NLGN1: variants seen among roughly 807,000 people sequenced by gnomAD.
NLGN1 encodes neuroligin 1.
Under a neutral mutation model 65.5 loss-of-function variants are expected in NLGN1, and 12 were observed. That is an observed-to-expected ratio of 0.18 (90% CI 0.12 to 0.30). The LOEUF is 0.30. NLGN1 is among the 10% of genes least tolerant of loss of function. NLGN1 has a pLI of 1.00. For synonymous variants in NLGN1, 350 were observed against 359.5 expected (o/e 0.97, Z 0.30); for missense variants, 750 against 1,007.1 (o/e 0.74, Z 3.46).
intron 3 of NLGN1, among the ~76,000 whole-genome samples, chr3:173,643,447 G>C (rs1429419761): frequency 6.6e-6 from 1 of 152,068 alleles, no homozygotes; most frequent in Non-Finnish European, 1.5e-5. Context: ...AATACACTAG[G>C]CATACAGAAG....
intron 3 of NLGN1, among the ~76,000 whole-genome samples, chr3:173,689,242 C>G (rs1765113300): frequency 6.6e-6 from 1 of 152,154 alleles, no homozygotes; most frequent in South Asian, 2.1e-4. Flanking sequence ...CGAAATCAAA[C>G]CCAACATCAC....
chr3:174,255,886 T>C (rs1455264190), intron 4 of NLGN1, among the ~76,000 whole-genome samples: 1 of 152,094 alleles, frequency 6.6e-6, no homozygotes, highest in Non-Finnish European at 1.5e-5. Context: ...CTCAAACTCC[T>C]GGGCTCAAGT....
chr3:174,069,195 G>A (rs1256534975), intron 4 of NLGN1, among the ~76,000 whole-genome samples: 4 of 152,156 alleles, frequency 2.6e-5, no homozygotes, highest in African/African-American at 7.2e-5. Flanking sequence ...TTCATAAATC[G>A]TAGATTAAGT....
chr3:174,179,018 A>C (rs1729926465), intron 4 of NLGN1, among the ~76,000 whole-genome samples: 1 of 152,100 alleles, frequency 6.6e-6, no homozygotes, highest in African/African-American at 2.4e-5. Context: ...TTACTTTTTA[A>C]GTCAGTAGTT....
At chr3:174,131,507 T>A (rs1009107723) in intron 4 of NLGN1, among the ~76,000 whole-genome samples, 17 of 152,172 alleles carry the variant, frequency 1.1e-4, no homozygotes, top group African/African-American at 4.1e-4. Flanking sequence ...GAACTTCAGT[T>A]TTCTTGTTTG....
intron 2 of NLGN1, among the ~76,000 whole-genome samples, chr3:173,479,443 A>G (rs765762742): frequency 6.6e-5 from 10 of 152,352 alleles, no homozygotes; most frequent in Non-Finnish European, 1.5e-4. Context: ...CTGGATACAA[A>G]GGAGCCTAGT....
At chr3:174,238,323 TTA>T (rs1455630004) in intron 4 of NLGN1, among the ~76,000 whole-genome samples, 6 of 132,278 alleles carry the variant, frequency 4.5e-5, no homozygotes, top group South Asian at 2.4e-4. Context: ...TTTTTCTTTT[TTA>T]TTTTTTTTTA....
At chr3:174,210,193 T>G (rs1031887693) in intron 4 of NLGN1, among the ~76,000 whole-genome samples, 1 of 152,122 alleles carries the variant, frequency 6.6e-6, no homozygotes, top group Non-Finnish European at 1.5e-5. Flanking sequence ...CAAGCATCAG[T>G]TTTTATTTGT....
intron 4 of NLGN1, among the ~76,000 whole-genome samples, chr3:174,071,885 T>C (rs1739962985): frequency 2.6e-5 from 4 of 152,164 alleles, no homozygotes; most frequent in Non-Finnish European, 5.9e-5. Context: ...AGACAATGGT[T>C]TGCTCTCAAG....
intron 4 of NLGN1, among the ~76,000 whole-genome samples, chr3:173,974,586 A>C (rs6445130): frequency 0.021 from 3,179 of 152,136 alleles, 103 homozygotes; most frequent in African/African-American, 0.073. Flanking sequence ...GGTAGAAAAG[A>C]TTTTTAGAAA....
intron 3 of NLGN1, among the ~76,000 whole-genome samples, chr3:173,736,356 G>A (rs1212564437): frequency 6.6e-6 from 1 of 151,926 alleles, no homozygotes; most frequent in Non-Finnish European, 1.5e-5. Context: ...TCCTACAAAT[G>A]TGATCACTAA....
At chr3:174,223,608 C>T (rs889751381) in intron 4 of NLGN1, among the ~76,000 whole-genome samples, 2 of 152,160 alleles carry the variant, frequency 1.3e-5, no homozygotes, top group African/African-American at 4.8e-5. Context: ...AATGTCTTTT[C>T]CTGACTTCTA....
intron 4 of NLGN1, among the ~76,000 whole-genome samples, chr3:173,995,088 G>A (rs1017761626): frequency 6.6e-6 from 1 of 152,134 alleles, no homozygotes; most frequent in African/African-American, 2.4e-5. Context: ...AAATTATCCA[G>A]CCTGCTAGCC....
At chr3:174,094,785 A>G (rs1745165042) in intron 4 of NLGN1, among the ~76,000 whole-genome samples, 1 of 150,552 alleles carries the variant, frequency 6.6e-6, no homozygotes. Flanking sequence ...GCATATTTCA[A>G]CTAGAAAAAG....
intron 2 of NLGN1, among the ~76,000 whole-genome samples, chr3:173,470,545 A>G (rs951830496): frequency 6.6e-6 from 1 of 152,096 alleles, no homozygotes; most frequent in Non-Finnish European, 1.5e-5. Context: ...GTCACTTGTT[A>G]GCCATGTGAA....
intron 2 of NLGN1, among the ~76,000 whole-genome samples, chr3:173,540,856 A>G (rs1420581177): frequency 1.3e-5 from 2 of 152,192 alleles, no homozygotes; most frequent in Non-Finnish European, 2.9e-5. Flanking sequence ...CAACTTATAT[A>G]TTATGTATCT....
Position 174,280,595 on chromosome 3 carries a change from T to G in NLGN1, c.1764T>G (p.Ile588Met). 2.5e-6 allele frequency: 4 copies of G among 1,613,244 alleles called. No homozygotes were observed. Among genetic ancestry groups the G allele is most frequent in the Non-Finnish European group, 3.4e-6 (4 of 1,179,484 alleles). The change falls in exon 7 of 7, where the codon ATT (isoleucine) becomes ATG (methionine). Residue 588 changes from isoleucine (I) to methionine (M), a missense_variant. Ile to Met is a conservative substitution (Grantham distance 10). Transcript: ENST00000457714. This position sits in a 1 kb window ranked among gnomAD's most constrained non-coding sequence, Gnocchi z 4.9. ...AGAAAGACCAACTTTATCTCCATAT[T>G]GGATTAAAACCAAGAGTTAAAGAAC...
intron 3 of NLGN1, among the ~76,000 whole-genome samples, chr3:173,689,145 C>G (rs1157337571): frequency 6.6e-6 from 1 of 152,138 alleles, no homozygotes; most frequent in Admixed American, 6.6e-5. Flanking sequence ...TAAAGTATTC[C>G]TCTAGATTAT....
At chr3:173,599,737 T>C (rs1750116774) in intron 2 of NLGN1, among the ~76,000 whole-genome samples, 1 of 152,158 alleles carries the variant, frequency 6.6e-6, no homozygotes, top group Non-Finnish European at 1.5e-5. Flanking sequence ...ACAGTTGATC[T>C]TCATTATTCC....
Sources: gnomAD v4.1 joint callset for allele counts (sites outside exome capture counted in the v4.1 genomes callset) on GRCh38, gnomAD v4.1.1 for gene constraint, Gnocchi (gnomAD v3.1) non-coding constraint, MANE v1.5 for transcripts, NCBI Gene and HGNC (gene_info 2026-07-23, HGNC 2026-07-21) for gene names.